TAS1R1: variants seen among roughly 807,000 people sequenced by gnomAD.
TAS1R1 encodes the protein taste receptor type 1 member 1.
A neutral mutation model predicts 45.8 loss-of-function variants in TAS1R1; 31 were observed. The observed-to-expected ratio is 0.68, with a 90% confidence interval of 0.51 to 0.91. TAS1R1 has a LOEUF of 0.91. Ranked by LOEUF, TAS1R1 falls within the 40% of genes least tolerant of loss-of-function variation. The pLI is 0.00. For missense variants in TAS1R1, 1,051 were observed against 1,063.9 expected (o/e 0.99, Z 0.17); for synonymous variants, 437 against 448.4 (o/e 0.97, Z 0.32).
Position 6,575,059 on chromosome 1 carries a change from C to G in TAS1R1, c.927C>G (p.Ile309Met). The change falls in exon 3 of 6, where the codon ATC becomes ATG. Residue 309 changes from isoleucine (I) to methionine (M), a missense_variant. Coordinates refer to ENST00000333172, the MANE Select transcript of TAS1R1 (RefSeq NM_138697.4). ...ASEAWALSRH[I>M]TGVPGIQRIG... ...AAGCCTGGGCCCTCTCCAGGCACAT[C>G]ACTGGGGTGCCCGGGATCCAGCGCA... 1 of 1,588,916 alleles carries G rather than the reference C, an allele frequency of 6.3e-7. No individual in the cohort carries two copies. The highest frequency in any genetic ancestry group is 1.2e-5 in the South Asian group (1 of 86,640).
At chr1:6,562,499 G>A (rs1639807816) in intron 1 of TAS1R1, among the ~76,000 whole-genome samples, 1 of 152,028 alleles carries the variant, frequency 6.6e-6, no homozygotes, top group African/African-American at 2.4e-5. Context: ...CTGGACCCTG[G>A]GCATGTTCCA....
At chr1:6,559,891 G>C (rs71629794) in intron 1 of TAS1R1, among the ~76,000 whole-genome samples, 3 of 151,548 alleles carry the variant, frequency 2.0e-5, no homozygotes, top group Non-Finnish European at 4.4e-5. Context: ...TCTGGAGGCT[G>C]AGGCAGGAGA....
Position 6,579,189 on chromosome 1 carries a change from C to A in TAS1R1, c.2131C>A (p.Arg711Ser). Residue 711 changes from arginine to serine, a missense_variant, in exon 6 of 6, where the codon CGC becomes AGC. Arg to Ser is a moderately radical substitution (Grantham distance 110). Coordinates refer to ENST00000333172, the MANE Select transcript of TAS1R1 (RefSeq NM_138697.4). ...CCCACTGCCTGCTAGGGAATACCAGCGCTTCCCCCATCTGGTGATGCTTGA... is the reference window on the plus strand; with the variant it reads ...CCCACTGCCTGCTAGGGAATACCAGAGCTTCCCCCATCTGGTGATGCTTGA... ...WTPLPAREYQ[R>S]FPHLVMLECT... is the part of the protein sequence containing the mutation. 2 of 1,614,192 alleles carry A rather than the reference C, an allele frequency of 1.2e-6. No individual in the cohort carries two copies. Among genetic ancestry groups the A allele is most frequent in the Non-Finnish European group, 1.7e-6 (2 of 1,180,038 alleles).
rs139662109 is a variant in TAS1R1, at chr1:6,579,016, C to T, written c.1958C>T (p.Ser653Leu). The part of the protein sequence containing the change: ...TIFLSCLTVR[S>L]FQLIIIFKFS... ...TTCCTGTCCTGCCTGACAGTTCGCT[C>T]ATTCCAACTAATCATCATCTTCAAG... Residue 653 changes from serine (S) to leucine (L), a missense_variant, in exon 6 of 6, where the codon TCA (serine) becomes TTA (leucine). Physicochemically the swap from Ser to Leu is moderately radical, Grantham distance 145. Coordinates refer to ENST00000333172, the MANE Select transcript of TAS1R1 (RefSeq NM_138697.4). 4.9e-5 allele frequency: 79 copies of T among 1,613,730 alleles called. No individual in the cohort carries two copies. In the African/African-American group the frequency reaches 9.1e-4, roughly 19 times the overall value.
In TAS1R1 at chr1:6,578,920, G is replaced by T. The variant is rs771489279; in HGVS notation, c.1862G>T (p.Gly621Val). The stretch of plus-strand genomic sequence containing the variant: ...GCAGCAGGTAGTGGCAGCCTCTATG[G>T]CTTCTTTGGGGAACCCACAAGGCCT... ...SLAAGSGSLY[G>V]FFGEPTRPAC... Residue 621 changes from glycine (G) to valine (V), a missense_variant, in exon 6 of 6, where the codon GGC (glycine) becomes GTC (valine). Coordinates refer to ENST00000333172, the MANE Select transcript of TAS1R1 (RefSeq NM_138697.4). The T allele has an allele frequency of 3.6e-5, 58 of 1,613,236 alleles. No individual in the cohort carries two copies. Among genetic ancestry groups the T allele is most frequent in the Admixed American group, 1.0e-4 (6 of 59,888 alleles).
intron 1 of TAS1R1, among the ~76,000 whole-genome samples, chr1:6,560,309 C>G (rs1434015575): frequency 6.6e-6 from 1 of 152,096 alleles, no homozygotes; most frequent in African/African-American, 2.4e-5. Context: ...TAAGGTTAGC[C>G]GAGAGAAAGA....
rs1242125728 is a variant in TAS1R1, at chr1:6,576,638, T to C, written c.1473+11T>C. On this transcript the variant is annotated intron_variant, in intron 4 of 5. Transcript: ENST00000333172. Reference sequence around the variant, plus strand: ...GGAAAGGACAACCAGGTAATGGGGATGTGGCTACTCACCATGTAACTGGCT... The same window carrying C: ...GGAAAGGACAACCAGGTAATGGGGACGTGGCTACTCACCATGTAACTGGCT... The C allele has an allele frequency of 6.2e-7, 1 of 1,611,260 alleles. No individual in the cohort carries two copies. The highest frequency in any genetic ancestry group is 8.5e-7 in the Non-Finnish European group (1 of 1,178,284).
rs762845733 is a variant in TAS1R1 at position 6,555,340 on chromosome 1, C to G, written c.-34C>G. 1.3e-6 allele frequency: 2 copies of G among 1,535,614 alleles called. No individual in the cohort carries two copies. The highest frequency in any genetic ancestry group is 2.7e-5 in the African/African-American group (2 of 73,592). Reference sequence around the variant, plus strand: ...GCAACTGGCCTCCTTAGAGGCCACTCCTTGGCCATGCCAGGCGCGGGCATC... The same window carrying G: ...GCAACTGGCCTCCTTAGAGGCCACTGCTTGGCCATGCCAGGCGCGGGCATC... On this transcript the variant is annotated 5_prime_UTR_variant, in exon 1 of 6. Transcript: ENST00000333172.
intron 2 of TAS1R1, among the ~76,000 whole-genome samples, chr1:6,573,864 C>T (rs1217581596): frequency 8.6e-5 from 13 of 151,984 alleles, no homozygotes; most frequent in Non-Finnish European, 1.6e-4. Context: ...GGGGTTTCAC[C>T]GTGTTAGCCA....
chr1:6,559,640 C>A (rs1274024893), intron 1 of TAS1R1, among the ~76,000 whole-genome samples: 1 of 145,368 alleles, frequency 6.9e-6, no homozygotes, highest in Non-Finnish European at 1.5e-5. Flanking sequence ...GCCTGGGCGA[C>A]AGAGCGAGAC....
intron 1 of TAS1R1, among the ~76,000 whole-genome samples, chr1:6,565,334 A>G (rs571715776): frequency 6.6e-6 from 1 of 152,216 alleles, no homozygotes; most frequent in Non-Finnish European, 1.5e-5. Context: ...CTTATAGATT[A>G]TGTGGGCTGT....
At chr1:6,576,856 T>G in intron 4 of TAS1R1, 94 bp from the exon 5 acceptor site, 1 of 1,588,456 alleles carries the variant, frequency 6.3e-7, no homozygotes, top group South Asian at 1.1e-5. Context: ...GAGTGAGCCC[T>G]GAGGGCAGAT....
At chr1:6,578,529 T>A in intron 5 of TAS1R1, 124 bp from the exon 6 acceptor site, 1 of 1,464,252 alleles carries the variant, frequency 6.8e-7, no homozygotes, top group Non-Finnish European at 9.0e-7. Context: ...GCTACCCCCA[T>A]CCCACTATGC....
At chr1:6,570,861 A>T (rs368759362) in intron 1 of TAS1R1, 48 bp from the exon 2 acceptor site, 35 of 1,528,570 alleles carry the variant, frequency 2.3e-5, no homozygotes, top group Non-Finnish European at 3.0e-5. Context: ...AGAGGGTCTC[A>T]GCAGGCCTTT....
At chr1:6,577,190 C>A in intron 5 of TAS1R1, 120 bp downstream of exon 5, 2 of 1,431,920 alleles carry the variant, frequency 1.4e-6, no homozygotes, top group Non-Finnish European at 1.9e-6. Flanking sequence ...CACTGGGCTG[C>A]CAGTTAGCTT....
chr1:6,565,643 C>T (rs1206849438), intron 1 of TAS1R1, among the ~76,000 whole-genome samples: 2 of 152,120 alleles, frequency 1.3e-5, no homozygotes, highest in African/African-American at 2.4e-5. Context: ...GACGGAGTCT[C>T]GCTCTGTTGC....
intron 3 of TAS1R1, 131 bp from the exon 4 acceptor site, chr1:6,576,280 AGAAG>A: frequency 3.8e-6 from 3 of 779,384 alleles, no homozygotes; most frequent in Non-Finnish European, 6.4e-6. Context: ...GGGCTTCCTA[AGAAG>A]GAAGGGACGA....
intron 1 of TAS1R1, among the ~76,000 whole-genome samples, chr1:6,561,459 C>T (rs910614186): frequency 6.6e-6 from 1 of 152,158 alleles, no homozygotes; most frequent in African/African-American, 2.4e-5. Flanking sequence ...TGCCTGTGAT[C>T]CCAGCACTTT....
chr1:6,555,706 C>G, intron 1 of TAS1R1, 142 bp downstream of exon 1: 1 of 759,446 alleles, frequency 1.3e-6, no homozygotes, highest in Non-Finnish European at 2.1e-6. Context: ...CCACTTGCCA[C>G]CTAAGTGCTG....
Sources: gnomAD v4.1 joint callset for allele counts (sites outside exome capture counted in the v4.1 genomes callset) on GRCh38, gnomAD v4.1.1 for gene constraint, MANE v1.5 for transcripts, NCBI Gene and HGNC (gene_info 2026-07-23, HGNC 2026-07-21) for gene names.